The following DLG2 variants were observed in gnomAD, a reference collection of about 807,000 sequenced individuals.
The protein encoded by DLG2 is discs large MAGUK scaffold protein 2.
Under a neutral mutation model 132.5 loss-of-function variants are expected in DLG2, and 45 were observed. The ratio of observed to expected loss-of-function variants is 0.34; its 90% CI spans 0.27 to 0.44. The LOEUF (loss-of-function observed/expected upper bound fraction) is 0.44, where lower values mean the gene tolerates loss of function less well. DLG2 is among the 20% of genes least tolerant of loss of function. DLG2 has a pLI of 1.00. For missense variants in DLG2, 1,045 were observed against 1,196.9 expected, an observed-to-expected ratio of 0.87 and a Z score of 1.87; for synonymous variants, 424 against 419.6, an observed-to-expected ratio of 1.01 and a Z score of -0.13.
chr11:84,377,342 A>G (rs2098733396), intron 7 of DLG2, among the ~76,000 whole-genome samples: 1 of 152,064 alleles, frequency 6.6e-6, no homozygotes, highest in South Asian at 2.1e-4. Context: ...AATTTAAAAG[A>G]AAGCACCACC....
At chr11:83,934,017 G>A (rs998196379) in intron 14 of DLG2, among the ~76,000 whole-genome samples, 16 of 152,338 alleles carry the variant, frequency 1.1e-4, no homozygotes, top group Non-Finnish European at 5.9e-5. Flanking sequence ...TTGCTAAAAT[G>A]TCTAGAGGTT....
intron 18 of DLG2, chr11:83,648,134 T>C (rs2068828796): frequency 6.6e-6 from 1 of 152,172 alleles, no homozygotes; most frequent in African/African-American, 2.4e-5. Context: ...ATATAATTCC[T>C]GCCATCAAAG....
At chr11:83,640,746 T>C (rs2066258672) in intron 18 of DLG2, among the ~76,000 whole-genome samples, 3 of 152,186 alleles carry the variant, frequency 2.0e-5, no homozygotes, top group African/African-American at 7.2e-5. Flanking sequence ...AGGAGTATCA[T>C]GTTCTTTTTA....
At chr11:84,463,631 T>G (rs1310918426) in intron 7 of DLG2, among the ~76,000 whole-genome samples, 1 of 151,184 alleles carries the variant, frequency 6.6e-6, no homozygotes, top group Non-Finnish European at 1.5e-5. Context: ...TACCTGATTA[T>G]GATACCCAAA....
At chr11:85,195,503 T>C (rs2080962025) in intron 4 of DLG2, among the ~76,000 whole-genome samples, 1 of 151,840 alleles carries the variant, frequency 6.6e-6, no homozygotes, top group Admixed American at 6.6e-5. Context: ...AAGTGAATTA[T>C]TTTCTCTGAA....
At chr11:83,899,942 TG>T (rs1206355446) in intron 15 of DLG2, among the ~76,000 whole-genome samples, 1 of 152,190 alleles carries the variant, frequency 6.6e-6, no homozygotes, top group African/African-American at 2.4e-5. Context: ...ACTGGTTGAA[TG>T]GCTTTGACAA....
intron 3 of DLG2, among the ~76,000 whole-genome samples, chr11:85,396,009 A>G (rs1423224587): frequency 6.6e-6 from 1 of 152,128 alleles, no homozygotes; most frequent in Non-Finnish European, 1.5e-5. Flanking sequence ...AACACCTCCC[A>G]GTAGGGGCCG....
chr11:84,417,565 A>G (rs2098934058), intron 7 of DLG2, among the ~76,000 whole-genome samples: 1 of 152,118 alleles, frequency 6.6e-6, no homozygotes. Context: ...AAGGCTCTTG[A>G]TGACTTCGTC....
chr11:85,090,867 G>C (rs189138465), intron 6 of DLG2, among the ~76,000 whole-genome samples: 9 of 152,258 alleles, frequency 5.9e-5, no homozygotes, highest in Admixed American at 5.9e-4. Flanking sequence ...TCACAATTTT[G>C]CTGGTCAGAA....
At chr11:83,466,658 T>C (rs1565332052) in intron 26 of DLG2, 50 bp downstream of exon 26, 1 of 1,063,642 alleles carries the variant, frequency 9.4e-7, no homozygotes, top group Admixed American at 1.7e-5. Context: ...TTCAGTATAA[T>C]ACAGAACAGG....
intron 18 of DLG2, among the ~76,000 whole-genome samples, chr11:83,712,826 C>T (rs901784441): frequency 3.3e-5 from 5 of 151,804 alleles, no homozygotes; most frequent in African/African-American, 1.2e-4. Flanking sequence ...GACAGGGGCA[C>T]GGAGAGCATC....
chr11:85,506,588 G>C (rs1442290024), intron 3 of DLG2, among the ~76,000 whole-genome samples: 1 of 152,222 alleles, frequency 6.6e-6, no homozygotes. Context: ...GAGACAGTTT[G>C]TTATCATTTC....
At chr11:85,001,601 T>C (rs1040706589) in intron 6 of DLG2, among the ~76,000 whole-genome samples, 3 of 152,178 alleles carry the variant, frequency 2.0e-5, no homozygotes, top group Non-Finnish European at 4.4e-5. Flanking sequence ...ACTGAAGAGC[T>C]TTTAAAAATT....
At chr11:85,212,437 T>C (rs183880371) in intron 4 of DLG2, among the ~76,000 whole-genome samples, 232 of 152,190 alleles carry the variant, frequency 1.5e-3, no homozygotes, top group African/African-American at 5.4e-3. Flanking sequence ...TTGGTCTGAG[T>C]TCCATTTCTG....
intron 3 of DLG2, among the ~76,000 whole-genome samples, chr11:85,495,357 T>C (rs1321109712): frequency 6.6e-6 from 1 of 152,132 alleles, no homozygotes; most frequent in Non-Finnish European, 1.5e-5. Context: ...ACCTACAGAA[T>C]GGGAGAAAAT....
intron 19 of DLG2, among the ~76,000 whole-genome samples, chr11:83,588,622 G>C (rs547590144): frequency 2.0e-5 from 3 of 151,364 alleles, no homozygotes; most frequent in Non-Finnish European, 3.0e-5. Flanking sequence ...CACCAGCAAC[G>C]GAACAAAGCT....
intron 6 of DLG2, among the ~76,000 whole-genome samples, chr11:84,998,930 A>G (rs1423124397): frequency 6.6e-6 from 1 of 151,844 alleles, no homozygotes; most frequent in Non-Finnish European, 1.5e-5. Flanking sequence ...TGTTTTCAAC[A>G]TTTAAGGATT....
intron 4 of DLG2, among the ~76,000 whole-genome samples, chr11:85,174,208 C>A (rs1203175454): frequency 1.3e-5 from 2 of 152,156 alleles, no homozygotes; most frequent in African/African-American, 4.8e-5. Flanking sequence ...CAAAATTGAT[C>A]ACATAAATGG....
intron 5 of DLG2, among the ~76,000 whole-genome samples, chr11:85,118,953 T>C (rs573883134): frequency 3.3e-5 from 5 of 151,840 alleles, no homozygotes; most frequent in Admixed American, 3.3e-4. Context: ...AGTAATAAGA[T>C]AAATACTATA....
Sources: gnomAD v4.1 joint callset for allele counts (sites outside exome capture counted in the v4.1 genomes callset) on GRCh38, gnomAD v4.1.1 for gene constraint, MANE v1.5 for transcripts, NCBI Gene and HGNC (gene_info 2026-07-23, HGNC 2026-07-21) for gene names.